Variants in DNAI7 observed in about 807,000 individuals in gnomAD.
DNAI7 encodes the protein cancer susceptibility 1.
A neutral mutation model predicts 86.6 loss-of-function variants in DNAI7; 78 were observed. The observed-to-expected ratio is 0.90, with a 90% confidence interval of 0.75 to 1.09. The LOEUF is 1.09. Among genes scored for constraint, DNAI7 ranks in the 50% least tolerant of loss-of-function variants. The pLI, the probability that DNAI7 is intolerant of heterozygous loss-of-function variation, is 0.00. For synonymous variants in DNAI7, 274 were observed against 273.0 expected, an observed-to-expected ratio of 1.00 and a Z score of -0.04; for missense variants, 753 against 810.2, an observed-to-expected ratio of 0.93 and a Z score of 0.86.
chr12:25,119,863 GAAGA>G (rs1253338553), intron 11 of DNAI7, among the ~76,000 whole-genome samples: 2 of 152,166 alleles, frequency 1.3e-5, no homozygotes, highest in African/African-American at 2.4e-5. Context: ...TCTAGGGAAG[GAAGA>G]AAGATTTAAA....
At chr12:25,122,397 C>T (rs1367854729) in intron 10 of DNAI7, among the ~76,000 whole-genome samples, 1 of 127,698 alleles carries the variant, frequency 7.8e-6, no homozygotes, top group Non-Finnish European at 1.5e-5. Context: ...GTTGAGGCTG[C>T]AGTGAGCCAT....
At chr12:25,126,790 T>C (rs1942197804) in intron 9 of DNAI7, among the ~76,000 whole-genome samples, 1 of 152,172 alleles carries the variant, frequency 6.6e-6, no homozygotes, top group Admixed American at 6.6e-5. Flanking sequence ...GGGAGGATTA[T>C]GATCAATAAA....
At chr12:25,120,539 G>A (rs921585479) in intron 11 of DNAI7, among the ~76,000 whole-genome samples, 4 of 149,016 alleles carry the variant, frequency 2.7e-5, no homozygotes, top group Non-Finnish European at 3.0e-5. Context: ...TGGCTAACAC[G>A]GTGAAACCCC....
rs775551325 is a variant in DNAI7 at position 25,114,725 on chromosome 12, T to C, written c.1542A>G (p.Arg514=). Reference sequence around the variant, plus strand: ...AAAGTACTTTATTTACATCAAGTGGTCTTAGTTCCCATGACTGGTACGGCA... The same window carrying C: ...AAAGTACTTTATTTACATCAAGTGGCCTTAGTTCCCATGACTGGTACGGCA... ...INMPYQSWEL[R]PLDVNKVLLT... Residue 514 remains arginine (R), a synonymous_variant, in exon 13 of 16, where the codon AGA becomes AGG. Transcript: ENST00000395987. 5.6e-6 allele frequency: 9 copies of C among 1,613,878 alleles called. No homozygotes were observed. The highest frequency in any genetic ancestry group is 1.6e-4 in the Middle Eastern group (1 of 6,082).
chr12:25,125,338 T>C (rs1258363483), intron 9 of DNAI7, among the ~76,000 whole-genome samples: 1 of 152,214 alleles, frequency 6.6e-6, no homozygotes, highest in Non-Finnish European at 1.5e-5. Context: ...GATATCTCAT[T>C]GTGGTTTTGA....
chr12:25,149,799 T>C, intron 6 of DNAI7, 25 bp from the exon 7 acceptor site: 2 of 1,380,246 alleles, frequency 1.4e-6, no homozygotes, highest in Non-Finnish European at 2.0e-6. Flanking sequence ...AATATTTGCA[T>C]TAATTCTCAG....
Position 25,161,108 on chromosome 12 carries a change from T to C in DNAI7, c.106+5A>G. The C allele has an allele frequency of 1.2e-6, 2 of 1,609,256 alleles. No individual in the cohort carries two copies. The highest frequency in any genetic ancestry group is 1.7e-5 in the Admixed American group (1 of 60,022). ...AGGTAAATAGTATCACTATTTATTTTGTACCTTCCTCTTTCAGTCGTCTCT... is the reference window on the plus strand; with the variant it reads ...AGGTAAATAGTATCACTATTTATTTCGTACCTTCCTCTTTCAGTCGTCTCT... On this transcript the variant is annotated splice_donor_5th_base_variant and intron_variant, in intron 3 of 15. Transcript: ENST00000395987.
intron 12 of DNAI7, among the ~76,000 whole-genome samples, chr12:25,116,033 T>C (rs1940010110): frequency 6.6e-6 from 1 of 152,136 alleles, no homozygotes; most frequent in Admixed American, 6.6e-5. Flanking sequence ...CCTACAACTT[T>C]TGAAACTCCA....
chr12:25,147,639 G>C (rs1434755769), intron 7 of DNAI7, among the ~76,000 whole-genome samples: 1 of 152,188 alleles, frequency 6.6e-6, no homozygotes, highest in African/African-American at 2.4e-5. Flanking sequence ...CGGGGTGACA[G>C]AGCAAGACTG....
intron 2 of DNAI7, among the ~76,000 whole-genome samples, chr12:25,165,995 GC>G (rs1173525845): frequency 6.6e-6 from 1 of 151,922 alleles, no homozygotes; most frequent in Non-Finnish European, 1.5e-5. Context: ...CCAGTTCAGA[GC>G]CTCCTTCACA....
At chr12:25,158,360 A>C in intron 4 of DNAI7, 112 bp downstream of exon 4, 1 of 765,494 alleles carries the variant, frequency 1.3e-6, no homozygotes, top group Non-Finnish European at 2.1e-6. Flanking sequence ...GATTAAGTTC[A>C]TGTAGGCCTA....
intron 5 of DNAI7, 89 bp from the exon 6 acceptor site, chr12:25,154,545 C>T: frequency 2.3e-6 from 3 of 1,301,862 alleles, no homozygotes; most frequent in Non-Finnish European, 3.2e-6. Context: ...ATTTTTATAA[C>T]CTAGTTTAAC....
At chr12:25,195,054 C>G in intron 1 of DNAI7, 22 bp downstream of exon 1, 2 of 1,614,246 alleles carry the variant, frequency 1.2e-6, no homozygotes, top group Non-Finnish European at 8.5e-7. Context: ...CTCCACCTGT[C>G]TGCCTCATTT....
intron 3 of DNAI7, among the ~76,000 whole-genome samples, chr12:25,160,179 T>A (rs1040726801): frequency 4.6e-5 from 7 of 152,172 alleles, no homozygotes; most frequent in Non-Finnish European, 1.0e-4. Context: ...AAAATTCCAA[T>A]GCTCCTAATT....
intron 7 of DNAI7, among the ~76,000 whole-genome samples, chr12:25,149,141 T>A (rs1228858860): frequency 3.3e-5 from 5 of 152,130 alleles, no homozygotes; most frequent in Admixed American, 3.3e-4. Context: ...AAACCATGCT[T>A]GGCTAATATA....
chr12:25,112,750 A>G (rs749858702), intron 13 of DNAI7, among the ~76,000 whole-genome samples: 9 of 152,088 alleles, frequency 5.9e-5, no homozygotes, highest in Non-Finnish European at 1.2e-4. Context: ...ATTTCATTTA[A>G]CCCAATATAT....
At chr12:25,131,052 A>G (rs1384788018) in intron 9 of DNAI7, among the ~76,000 whole-genome samples, 1 of 152,122 alleles carries the variant, frequency 6.6e-6, no homozygotes, top group East Asian at 1.9e-4. Flanking sequence ...CTGCATTATT[A>G]TATCATACTT....
intron 2 of DNAI7, among the ~76,000 whole-genome samples, chr12:25,184,952 G>A (rs1185735723): frequency 6.8e-6 from 1 of 147,934 alleles, no homozygotes; most frequent in Admixed American, 6.8e-5. Context: ...CAACACAGTG[G>A]GATCCCATCT....
chr12:25,108,341 T>G lies in DNAI7; in HGVS notation c.*207A>C, dbSNP rs1949376550. ...AAGAATCATTTAAATCTTCATAGAG[T>G]GAAAGCTGAAATTCTTAACAGGCCA... On this transcript the variant is annotated 3_prime_UTR_variant, in exon 16 of 16. Coordinates refer to ENST00000395987, the MANE Select transcript of DNAI7 (RefSeq NM_018272.5). The G allele has an allele frequency of 1.8e-6, 1 of 542,918 alleles. No individual in the cohort carries two copies. Among genetic ancestry groups the G allele is most frequent in the Admixed American group, 3.6e-5 (1 of 27,822 alleles). 33.6% of individuals were successfully genotyped at this position (542,918 alleles called of 1,614,324 possible). A position where few individuals can be genotyped will look rare whatever the true frequency, so the allele number is the denominator to read the frequency against.
Sources: gnomAD v4.1 joint callset for allele counts (sites outside exome capture counted in the v4.1 genomes callset) on GRCh38, gnomAD v4.1.1 for gene constraint, MANE v1.5 for transcripts, NCBI Gene and HGNC (gene_info 2026-07-23, HGNC 2026-07-21) for gene names.